Variants in CADPS observed in about 807,000 individuals in gnomAD.
CADPS encodes calcium dependent secretion activator.
Under a neutral mutation model 167.3 loss-of-function variants are expected in CADPS, and 57 were observed. The observed-to-expected ratio is 0.34, with a 90% CI of 0.28 to 0.42. The LOEUF is 0.42. Ranked by LOEUF, CADPS falls within the 20% of genes least tolerant of loss-of-function variation. The pLI is 1.00. For missense variants in CADPS, 1,414 were observed against 1,738.1 expected, an observed-to-expected ratio of 0.81 and a Z score of 3.32; for synonymous variants, 676 against 635.3, an observed-to-expected ratio of 1.06 and a Z score of -0.96.
intron 7 of CADPS, among the ~76,000 whole-genome samples, chr3:62,591,586 A>G (rs1233756005): frequency 6.6e-6 from 1 of 152,166 alleles, no homozygotes; most frequent in African/African-American, 2.4e-5. Flanking sequence ...GGTGAGCAGA[A>G]GCCAAATTAA....
At chr3:62,624,100 G>A (rs1042218352) in intron 6 of CADPS, among the ~76,000 whole-genome samples, 1 of 152,108 alleles carries the variant, frequency 6.6e-6, no homozygotes, top group African/African-American at 2.4e-5. Context: ...ACAACGTCCA[G>A]GACTGCCCCC....
chr3:62,498,379 A>G (rs1017706107), intron 18 of CADPS, among the ~76,000 whole-genome samples: 10 of 152,200 alleles, frequency 6.6e-5, no homozygotes, highest in Admixed American at 5.9e-4. Flanking sequence ...ATGTAGAGAA[A>G]GGGGGAGAAT....
chr3:62,815,431 G>A (rs556516610), intron 1 of CADPS, among the ~76,000 whole-genome samples: 2 of 152,038 alleles, frequency 1.3e-5, no homozygotes, highest in South Asian at 2.1e-4. Context: ...GACCAGGGGT[G>A]GGGGAGAAGT....
At chr3:62,476,915 A>G (rs1226169185) in intron 23 of CADPS, among the ~76,000 whole-genome samples, 1 of 152,182 alleles carries the variant, frequency 6.6e-6, no homozygotes, top group Non-Finnish European at 1.5e-5. Flanking sequence ...AGATCGTGGA[A>G]TTCAAGACCC....
At chr3:62,670,691 A>ATGT in intron 3 of CADPS, among the ~76,000 whole-genome samples, 1 of 152,078 alleles carries the variant, frequency 6.6e-6, no homozygotes, top group Non-Finnish European at 1.5e-5. Flanking sequence ...ATTAAAAAAA[A>ATGT]ACCCAAACAG....
chr3:62,545,014 A>G (rs1441479523), intron 11 of CADPS, among the ~76,000 whole-genome samples: 2 of 152,090 alleles, frequency 1.3e-5, no homozygotes, highest in Non-Finnish European at 2.9e-5. Flanking sequence ...AAAACAAAAA[A>G]CAAAATCAAC....
At chr3:62,627,998 A>C (rs1282485736) in intron 6 of CADPS, among the ~76,000 whole-genome samples, 1 of 152,176 alleles carries the variant, frequency 6.6e-6, no homozygotes, top group East Asian at 1.9e-4. Flanking sequence ...TAGCAGGTGA[A>C]ATTTTCATAG....
chr3:62,547,613 C>T (rs189813893), intron 11 of CADPS, among the ~76,000 whole-genome samples: 24 of 126,536 alleles, frequency 1.9e-4, no homozygotes, highest in African/African-American at 6.7e-4. Context: ...AATTCTAACT[C>T]TTAGGAGTTT....
rs914427495 is a variant in CADPS at position 62,547,594 on chromosome 3, C to A, written c.1966+2309G>T. On this transcript the variant is annotated intron_variant, in intron 11 of 29. Transcript: ENST00000383710. ...GGGATGATATCATTTACGCCCCCCC[C>A]CCCCCGCAAATTCTAACTCTTAGGA... 2.1e-4 allele frequency among the ~76,000 whole-genome samples: 23 copies of A among 110,566 alleles called. 4 individuals are homozygous for A. Among genetic ancestry groups the A allele is most frequent in the East Asian group, 5.8e-4 (2 of 3,440 alleles). The allele number at this position is 110,566 out of a possible 152,430, so 72.5% of individuals were successfully genotyped here. A position where few individuals can be genotyped will look rare whatever the true frequency, so the allele number is the denominator to read the frequency against.
chr3:62,669,967 G>T (rs2075214572), intron 3 of CADPS, among the ~76,000 whole-genome samples: 1 of 152,138 alleles, frequency 6.6e-6, no homozygotes, highest in African/African-American at 2.4e-5. Flanking sequence ...AGGTTAAGTA[G>T]TTTGCCTGTA....
At chr3:62,752,967 T>C (rs75648358) in intron 3 of CADPS, among the ~76,000 whole-genome samples, 7,319 of 152,310 alleles carry the variant, frequency 0.048, 253 homozygotes, top group Non-Finnish European at 0.061. Flanking sequence ...CAGAAATTCA[T>C]GATGTGACTA....
chr3:62,402,913 G>A (rs1054123308), intron 29 of CADPS, among the ~76,000 whole-genome samples, 168 bp downstream of exon 29: 4 of 152,278 alleles, frequency 2.6e-5, no homozygotes, highest in Admixed American at 6.5e-5. Context: ...TGCTGTCTGA[G>A]TAACACATTT....
At chr3:62,836,824 T>C (rs993371960) in intron 1 of CADPS, among the ~76,000 whole-genome samples, 8 of 152,078 alleles carry the variant, frequency 5.3e-5, no homozygotes, top group Admixed American at 3.9e-4. Context: ...CCCCCCGTTG[T>C]CATCAGAAAA....
intron 23 of CADPS, among the ~76,000 whole-genome samples, chr3:62,477,144 T>C (rs1028044521): frequency 2.0e-5 from 3 of 152,156 alleles, no homozygotes; most frequent in Non-Finnish European, 4.4e-5. Flanking sequence ...CTTTTGCTTC[T>C]TTGCTTTCCA....
At chr3:62,492,543 G>C in intron 19 of CADPS, 97 bp from the exon 20 acceptor site, 1 of 1,146,498 alleles carries the variant, frequency 8.7e-7, no homozygotes, top group South Asian at 1.4e-5. Context: ...CAAAATTAAT[G>C]GTGCATCCAG....
intron 3 of CADPS, among the ~76,000 whole-genome samples, chr3:62,669,157 C>T (rs953860213): frequency 7.9e-5 from 12 of 152,200 alleles, no homozygotes; most frequent in Non-Finnish European, 1.6e-4. Context: ...TTTCTCGCTA[C>T]TTTGCTTTCT....
In CADPS at chr3:62,398,790, T is replaced by C. The variant is rs1237943318; in HGVS notation, c.*616A>G. 1.3e-5 allele frequency: 2 copies of C among 152,140 alleles called. No individual in the cohort carries two copies. Among genetic ancestry groups the C allele is most frequent in the East Asian group, 1.9e-4 (1 of 5,190 alleles). 9.4% of individuals were successfully genotyped at this position (152,140 alleles called of 1,614,324 possible). On this transcript the variant is annotated 3_prime_UTR_variant, in exon 30 of 30. Coordinates refer to ENST00000383710, the MANE Select transcript of CADPS (RefSeq NM_003716.4). ...CGTGGCAATTAAGAGAATCAATCCA[T>C]TGGTATGTAGCCATCCTTTTTTTTT... is the stretch of plus-strand genomic sequence containing the variant.
chr3:62,657,724 C>T (rs929498985), intron 4 of CADPS, among the ~76,000 whole-genome samples: 29 of 152,094 alleles, frequency 1.9e-4, no homozygotes, highest in African/African-American at 7.0e-4. Context: ...TCTGATGATT[C>T]GTGAGATGCT....
Position 62,478,187 on chromosome 3 carries a change from C to G in CADPS, c.3329+74G>C. The G allele has an allele frequency of 6.7e-7, 1 of 1,483,314 alleles. No homozygotes were observed. The highest frequency in any genetic ancestry group is 9.3e-7 in the Non-Finnish European group (1 of 1,076,706). The allele number at this position is 1,483,314 out of a possible 1,614,324, so 91.9% of individuals were successfully genotyped here. On this transcript the variant is annotated intron_variant, in intron 23 of 29. Transcript: ENST00000383710. The surrounding 1 kb of genome is among the most constrained non-coding windows in gnomAD (Gnocchi z 5.7). Reference sequence around the variant, plus strand: ...TTCAAACTACAGCCAATTGAAAGAGCAGCCATCTACCCTTCCCTGAGTCTG... The same window carrying G: ...TTCAAACTACAGCCAATTGAAAGAGGAGCCATCTACCCTTCCCTGAGTCTG...
Sources: gnomAD v4.1 joint callset for allele counts (sites outside exome capture counted in the v4.1 genomes callset) on GRCh38, gnomAD v4.1.1 for gene constraint, Gnocchi (gnomAD v3.1) non-coding constraint, MANE v1.5 for transcripts, NCBI Gene and HGNC (gene_info 2026-07-23, HGNC 2026-07-21) for gene names.